The following ZNF385B variants were observed in gnomAD, a reference collection of about 807,000 sequenced individuals.
The protein encoded by ZNF385B is zinc finger protein 533.
A neutral mutation model predicts 39.2 loss-of-function variants in ZNF385B; 23 were observed. That is an observed-to-expected ratio of 0.59 (90% CI 0.42 to 0.83). The LOEUF is 0.83. ZNF385B is among the 40% of genes least tolerant of loss of function. ZNF385B has a pLI of 0.00. For missense variants in ZNF385B, 552 were observed against 598.9 expected, an observed-to-expected ratio of 0.92 and a Z score of 0.82; for synonymous variants, 205 against 222.6, an observed-to-expected ratio of 0.92 and a Z score of 0.70.
chr2:179,568,499 A>T (rs1684850294), intron 3 of ZNF385B, among the ~76,000 whole-genome samples: 1 of 152,244 alleles, frequency 6.6e-6, no homozygotes, highest in Non-Finnish European at 1.5e-5. Flanking sequence ...CAAATGTGAA[A>T]ATACAATTTT....
chr2:179,449,606 ACAAACAAAT>A, intron 6 of ZNF385B, among the ~76,000 whole-genome samples: 1 of 152,196 alleles, frequency 6.6e-6, no homozygotes, highest in Non-Finnish European at 1.5e-5. Context: ...AAAAGAGGAT[ACAAACAAAT>A]GGAAGAACAT....
intron 5 of ZNF385B, among the ~76,000 whole-genome samples, chr2:179,493,533 A>ATGCGTATACATATGTGTGTACATATC: frequency 6.6e-6 from 1 of 151,260 alleles, no homozygotes; most frequent in Admixed American, 6.6e-5. Flanking sequence ...GTGTACATAT[A>ATGCGTATACATATGTGTGTACATATC]TGCGTATACA....
intron 6 of ZNF385B, among the ~76,000 whole-genome samples, chr2:179,478,734 G>A (rs1446184795): frequency 6.6e-6 from 1 of 152,112 alleles, no homozygotes; most frequent in African/African-American, 2.4e-5. Context: ...CAATGCGAAA[G>A]CCCAGACATA....
chr2:179,706,057 G>A (rs1057022482), intron 3 of ZNF385B, among the ~76,000 whole-genome samples: 3 of 152,096 alleles, frequency 2.0e-5, no homozygotes, highest in Non-Finnish European at 2.9e-5. Flanking sequence ...ATGGCCCTAT[G>A]GTATAAAAAG....
At chr2:179,581,169 A>G (rs1686470035) in intron 3 of ZNF385B, among the ~76,000 whole-genome samples, 1 of 152,204 alleles carries the variant, frequency 6.6e-6, no homozygotes, top group African/African-American at 2.4e-5. Context: ...AGTAGACAGG[A>G]GCAAAATTAT....
At chr2:179,513,275 A>C (rs1383774453) in intron 5 of ZNF385B, among the ~76,000 whole-genome samples, 1 of 152,226 alleles carries the variant, frequency 6.6e-6, no homozygotes, top group Non-Finnish European at 1.5e-5. Flanking sequence ...GGTTATGCAG[A>C]TTATAGCACC....
At chr2:179,697,027 T>C (rs1698819027) in intron 3 of ZNF385B, among the ~76,000 whole-genome samples, 1 of 152,158 alleles carries the variant, frequency 6.6e-6, no homozygotes, top group Admixed American at 6.5e-5. Context: ...TTTCTCTGTG[T>C]AAGAATTTGG....
At chr2:179,744,257 G>A (rs2106456457) in intron 3 of ZNF385B, among the ~76,000 whole-genome samples, 1 of 151,876 alleles carries the variant, frequency 6.6e-6, no homozygotes, top group South Asian at 2.1e-4. Context: ...GCACAGATGA[G>A]GTTGAAGGTA....
intron 1 of ZNF385B, among the ~76,000 whole-genome samples, chr2:179,825,353 T>C (rs964437989): frequency 6.6e-6 from 1 of 151,506 alleles, no homozygotes; most frequent in Admixed American, 6.6e-5. Context: ...AATTTTTGAG[T>C]GACAGATATC....
intron 5 of ZNF385B, among the ~76,000 whole-genome samples, chr2:179,504,562 T>C (rs1369738242): frequency 1.3e-5 from 2 of 151,892 alleles, no homozygotes; most frequent in Non-Finnish European, 2.9e-5. Context: ...TTTTAATGAT[T>C]GCCATTCTAA....
At chr2:179,669,978 C>T (rs1695695173) in intron 3 of ZNF385B, among the ~76,000 whole-genome samples, 1 of 152,070 alleles carries the variant, frequency 6.6e-6, no homozygotes. Context: ...GGGAAAATCC[C>T]TGATTAGCAG....
At chr2:179,685,253 G>A (rs1697832661) in intron 3 of ZNF385B, among the ~76,000 whole-genome samples, 1 of 152,056 alleles carries the variant, frequency 6.6e-6, no homozygotes, top group South Asian at 2.1e-4. Flanking sequence ...TCTCTTAATA[G>A]CCACTGGCAA....
intron 3 of ZNF385B, among the ~76,000 whole-genome samples, chr2:179,701,056 T>C (rs1699159995): frequency 1.3e-5 from 2 of 152,116 alleles, no homozygotes; most frequent in South Asian, 2.1e-4. Flanking sequence ...AAAACACTCA[T>C]TGGTATCATC....
At chr2:179,471,336 G>GA (rs1459466295) in intron 6 of ZNF385B, among the ~76,000 whole-genome samples, 1 of 152,142 alleles carries the variant, frequency 6.6e-6, no homozygotes, top group Non-Finnish European at 1.5e-5. Context: ...GGAGAATAGA[G>GA]AAAAATAACT....
At chr2:179,597,741 A>C (rs1023576210) in intron 3 of ZNF385B, among the ~76,000 whole-genome samples, 9 of 152,230 alleles carry the variant, frequency 5.9e-5, no homozygotes, top group African/African-American at 2.2e-4. Context: ...GATATGAAAT[A>C]TATATTATGT....
chr2:179,460,052 C>T (rs1171803135), intron 6 of ZNF385B, among the ~76,000 whole-genome samples: 1 of 151,468 alleles, frequency 6.6e-6, no homozygotes, highest in South Asian at 2.1e-4. Flanking sequence ...TGCGGTGAGC[C>T]GAGATCTTGC....
chr2:179,767,955 T>C (rs1351136455), intron 3 of ZNF385B, among the ~76,000 whole-genome samples: 4 of 148,752 alleles, frequency 2.7e-5, no homozygotes, highest in African/African-American at 9.8e-5. Context: ...TTTATATATA[T>C]ATTTTGCTTT....
chr2:179,830,803 C>T (rs934610136), intron 1 of ZNF385B, among the ~76,000 whole-genome samples: 3 of 152,116 alleles, frequency 2.0e-5, no homozygotes, highest in Admixed American at 6.5e-5. Context: ...ATATGTATCT[C>T]GCAAAATCCA....
At chr2:179,768,701 C>T (rs774510031) in intron 3 of ZNF385B, among the ~76,000 whole-genome samples, 2 of 152,208 alleles carry the variant, frequency 1.3e-5, no homozygotes, top group Non-Finnish European at 2.9e-5. Context: ...TTGTAGAAAT[C>T]TTCACCATGG....
Sources: gnomAD v4.1 joint callset for allele counts (sites outside exome capture counted in the v4.1 genomes callset) on GRCh38, gnomAD v4.1.1 for gene constraint, MANE v1.5 for transcripts, NCBI Gene and HGNC (gene_info 2026-07-23, HGNC 2026-07-21) for gene names.